Variants in PHF6 observed in about 807,000 individuals in gnomAD.
The protein encoded by PHF6 is PHD-like zinc finger protein.
In PHF6, 7 loss-of-function variants were observed where a neutral mutation model predicts 34.0. The observed-to-expected ratio is 0.21, with a 90% CI of 0.12 to 0.39. PHF6 has a LOEUF of 0.39. Ranked by LOEUF, PHF6 falls within the 10% of genes least tolerant of loss-of-function variation. The probability of loss-of-function intolerance (pLI) is 1.00; values close to 1 mark genes in which losing one functional copy is unlikely to be tolerated. For missense variants in PHF6, 128 were observed against 262.8 expected, an observed-to-expected ratio of 0.49 and a Z score of 3.55; for synonymous variants, 89 against 88.4, an observed-to-expected ratio of 1.01 and a Z score of -0.04.
At chrX:134,414,046 A>G (rs2077462177) in intron 7 of PHF6, 80 bp downstream of exon 7, 1 of 1,083,366 alleles carries the variant, frequency 9.2e-7, no homozygotes. Context: ...TAAAGCCCAA[A>G]TGATTTTTTT....
chrX:134,378,201 G>T, intron 3 of PHF6, 95 bp downstream of exon 3: 3 of 480,280 alleles, frequency 6.2e-6, no homozygotes, highest in Admixed American at 3.8e-5. Flanking sequence ...TATTAACTGA[G>T]TATAATTTTA....
At chrX:134,413,063 A>T (rs893379488) in intron 5 of PHF6, among the ~76,000 whole-genome samples, 1 of 112,008 alleles carries the variant, frequency 8.9e-6, no homozygotes. Context: ...GGTCAGTGTG[A>T]CTAAGAAACT....
At chrX:134,406,098 CTTTCTT>C (rs2077423088) in intron 5 of PHF6, among the ~76,000 whole-genome samples, 2 of 96,971 alleles carry the variant, frequency 2.1e-5, no homozygotes, top group African/African-American at 7.6e-5. Context: ...TTCTTTCTTT[CTTTCTT>C]TCTTTCTTTT....
At chrX:134,388,280 A>G (rs1235736199) in intron 3 of PHF6, among the ~76,000 whole-genome samples, 1 of 111,668 alleles carries the variant, frequency 9.0e-6, no homozygotes, top group Non-Finnish European at 1.9e-5. Flanking sequence ...TATTGGAGGT[A>G]GTATTACCTG....
intron 9 of PHF6, among the ~76,000 whole-genome samples, chrX:134,422,724 A>T (rs1183330747): frequency 1.8e-5 from 2 of 111,535 alleles, no homozygotes; most frequent in Admixed American, 9.6e-5. Flanking sequence ...GGATTTTTTT[A>T]AAATGTCAGC....
At chrX:134,375,265 A>G in intron 1 of PHF6, among the ~76,000 whole-genome samples, 1 of 112,068 alleles carries the variant, frequency 8.9e-6, no homozygotes, top group East Asian at 2.8e-4. Context: ...TTCTTACTTT[A>G]CAAATTAAAT....
In PHF6 at chrX:134,411,819, G is replaced by A. The variant is rs770692532; in HGVS notation, c.419-1672G>A. The stretch of plus-strand genomic sequence containing the variant: ...ACAATCTCGGCTCTCTGCAACCTCC[G>A]CCTCCCGGGTTCAAGCAATTCTTCT... On this transcript the variant is annotated intron_variant, in intron 5 of 10. Transcript: ENST00000370803. 9.9e-5 allele frequency among the ~76,000 whole-genome samples: 11 copies of A among 111,231 alleles called. No individual in the cohort carries two copies. In the South Asian group the frequency reaches 2.7e-3, roughly 27 times the overall value.
intron 3 of PHF6, among the ~76,000 whole-genome samples, chrX:134,390,397 TG>T (rs1286416234): frequency 8.9e-6 from 1 of 112,153 alleles, no homozygotes; most frequent in Admixed American, 9.5e-5. Flanking sequence ...TGAGTGAAAC[TG>T]ACTATAAAAA....
intron 3 of PHF6, among the ~76,000 whole-genome samples, chrX:134,384,046 G>C (rs1362746374): frequency 2.7e-5 from 3 of 111,702 alleles, no homozygotes; most frequent in Non-Finnish European, 3.8e-5. Flanking sequence ...TTACCCTCCA[G>C]ATACTTTTTA....
At chrX:134,383,827 C>T (rs753613992) in intron 3 of PHF6, among the ~76,000 whole-genome samples, 3 of 111,298 alleles carry the variant, frequency 2.7e-5, no homozygotes, top group Non-Finnish European at 3.8e-5. Context: ...CACCAGGTTA[C>T]GCTAGACTAT....
chrX:134,386,437 A>T (rs1250887628), intron 3 of PHF6, among the ~76,000 whole-genome samples: 22 of 100,360 alleles, frequency 2.2e-4, no homozygotes, highest in African/African-American at 8.4e-4. Context: ...TTTTAGACTG[A>T]GTCTCACTCT....
chrX:134,395,877 A>AAATATGATAT (rs2077375120), intron 5 of PHF6, among the ~76,000 whole-genome samples: 1 of 112,023 alleles, frequency 8.9e-6, no homozygotes, highest in African/African-American at 3.2e-5. Flanking sequence ...TGAGGTGATA[A>AAATATGATAT]AATATGACGG....
intron 3 of PHF6, among the ~76,000 whole-genome samples, chrX:134,391,759 T>G (rs1473616580): frequency 1.8e-5 from 2 of 111,484 alleles, no homozygotes; most frequent in Non-Finnish European, 3.8e-5. Context: ...ATTGTAACAC[T>G]GTGAGGCATC....
chrX:134,405,782 ATGCATGTTTGTGCATGTGTATG>A (rs2077420309), intron 5 of PHF6, among the ~76,000 whole-genome samples: 1 of 98,246 alleles, frequency 1.0e-5, no homozygotes, highest in South Asian at 4.8e-4. Context: ...GTATGTATAT[ATGCATGTTTGTGCATGTGTATG>A]TATATATATA....
At chrX:134,394,029 T>C in intron 5 of PHF6, 77 bp downstream of exon 5, 1 of 919,729 alleles carries the variant, frequency 1.1e-6, no homozygotes, top group East Asian at 3.1e-5. Flanking sequence ...AATTATACTA[T>C]ATTAATTTTA....
At position 134,403,388 on chromosome X, in the gene PHF6, C is replaced by T. The variant is rs764783573; in HGVS notation, c.418+9436C>T. 8.9e-5 allele frequency among the ~76,000 whole-genome samples: 10 copies of T among 112,159 alleles called. No individual in the cohort carries two copies. The South Asian group carries it at 3.8e-3, about 42-fold the overall frequency. On this transcript the variant is annotated intron_variant, in intron 5 of 10. Transcript: ENST00000370803. Reference sequence around the variant, plus strand: ...CCAAAGCCTAATCCAGAGCAAGCCTCTAATTCTTCAATTCTATGAAGGCTG... The same window carrying T: ...CCAAAGCCTAATCCAGAGCAAGCCTTTAATTCTTCAATTCTATGAAGGCTG...
intron 9 of PHF6, among the ~76,000 whole-genome samples, chrX:134,424,923 G>C (rs753523180): frequency 1.8e-5 from 2 of 111,639 alleles, no homozygotes; most frequent in African/African-American, 3.3e-5. Context: ...CCAAAACTTT[G>C]CTTTTAATCT....
intron 3 of PHF6, among the ~76,000 whole-genome samples, chrX:134,390,945 C>A (rs1170728150): frequency 1.9e-5 from 2 of 105,771 alleles, no homozygotes; most frequent in Admixed American, 2.1e-4. Flanking sequence ...TTTATTTAAA[C>A]ATTTTTCTTT....
chrX:134,379,054 GCGTT>G (rs202172130), intron 3 of PHF6, among the ~76,000 whole-genome samples: 2,308 of 112,097 alleles, frequency 0.021, 23 homozygotes, highest in Non-Finnish European at 0.03. Flanking sequence ...ACATATAACT[GCGTT>G]TGTAGTTACT....
Sources: allele counts gnomAD v4.1 joint callset (sites outside exome capture counted in the v4.1 genomes callset), GRCh38; gene constraint gnomAD v4.1.1; transcripts MANE v1.5; gene names NCBI Gene and HGNC (gene_info 2026-07-23, HGNC 2026-07-21).